The following TRPS1 variants were observed in gnomAD, a reference collection of about 807,000 sequenced individuals.
The protein encoded by TRPS1 is transcriptional repressor GATA binding 1, also known as zinc finger transcription factor Trps1.
TRPS1 carries 6 observed loss-of-function variants against 101.2 expected under a neutral mutation model. The ratio of observed to expected loss-of-function variants is 0.06; its 90% CI spans 0.03 to 0.12. TRPS1 has a LOEUF of 0.12. TRPS1 is among the 10% of genes least tolerant of loss of function. The pLI is 1.00. For missense variants in TRPS1, 1,363 were observed against 1,567.0 expected (o/e 0.87, Z 2.20); for synonymous variants, 578 against 589.8 (o/e 0.98, Z 0.29).
At chr8:115,550,522 T>C (rs113732704) in intron 5 of TRPS1, among the ~76,000 whole-genome samples, 2,927 of 152,312 alleles carry the variant, frequency 0.019, 43 homozygotes, top group Middle Eastern at 0.088. Flanking sequence ...TGCAAATTCA[T>C]ATAAAGTACA....
rs1812975861 is a variant in TRPS1 at position 115,418,471 on chromosome 8, A to T, written c.2701-19T>A. On this transcript the variant is annotated intron_variant, in intron 5 of 6. Transcript: ENST00000395715. This position sits in a 1 kb window ranked among gnomAD's most constrained non-coding sequence, Gnocchi z 4.3. The stretch of plus-strand genomic sequence containing the variant: ...TACGCCTCTGAAACAGGGGAAAAAA[A>T]CCAAGGTCAGAGGTGAGTCACATGA... The T allele has an allele frequency of 6.2e-7, 1 of 1,613,992 alleles. No homozygotes were observed. Among genetic ancestry groups the T allele is most frequent in the African/African-American group, 1.3e-5 (1 of 74,946 alleles).
Position 115,446,346 on chromosome 8 carries a change from AC to A in TRPS1, c.2701-27895del, listed in dbSNP as rs59357089. ...TTTCCTGTCAGACAAAAAAAAAAAA[AC>A]CAACCCAAAAACTGTTTCTTCCCCT... On this transcript the variant is annotated intron_variant, in intron 5 of 6. Transcript: ENST00000395715. Among the ~76,000 whole-genome samples, 1,241 of 147,014 alleles carry A rather than the reference AC, an allele frequency of 8.4e-3. 20 individuals are homozygous for A. Among genetic ancestry groups the A allele is most frequent in the African/African-American group, 0.029 (1,157 of 39,236 alleles).
intron 5 of TRPS1, among the ~76,000 whole-genome samples, chr8:115,535,236 C>CAT (rs1554583787): frequency 0.028 from 3,312 of 118,544 alleles, 137 homozygotes; most frequent in South Asian, 0.048. Flanking sequence ...ATATATATAG[C>CAT]ATATATAGCA....
At chr8:115,479,035 T>C (rs1219195039) in intron 5 of TRPS1, among the ~76,000 whole-genome samples, 2 of 151,344 alleles carry the variant, frequency 1.3e-5, no homozygotes, top group African/African-American at 2.4e-5. Flanking sequence ...GTTTTGAACA[T>C]ATACTATGCA....
At position 115,598,428 on chromosome 8, in the gene TRPS1, G is replaced by A. The variant is rs929844198; in HGVS notation, c.2096+5445C>T. On this transcript the variant is annotated intron_variant, in intron 4 of 6. Coordinates refer to ENST00000395715, the MANE Select transcript of TRPS1 (RefSeq NM_014112.5). ...GCTTAAGTGATCCTCCCATCTCAGC[G>A]CCTGAGTACCTGGGACCACAGGTAA... Among the ~76,000 whole-genome samples, 48 of 151,968 alleles carry A rather than the reference G, an allele frequency of 3.2e-4. 1 individual carries two copies. The highest frequency in any genetic ancestry group is 1.1e-3 in the African/African-American group (46 of 41,374).
chr8:115,545,576 C>G (rs974812152), intron 5 of TRPS1, among the ~76,000 whole-genome samples: 5 of 152,082 alleles, frequency 3.3e-5, no homozygotes, highest in African/African-American at 1.2e-4. Context: ...CCCTTGAAAC[C>G]ATCTGAAATT....
intron 3 of TRPS1, among the ~76,000 whole-genome samples, chr8:115,609,951 C>T (rs1047264618): frequency 1.3e-5 from 2 of 152,144 alleles, no homozygotes; most frequent in African/African-American, 4.8e-5. Context: ...TCTTTCTTTC[C>T]TCCCAATAAT....
rs191477493 is a variant in TRPS1 at position 115,513,626 on chromosome 8, A to G, written c.2700+73375T>C. 1.1e-4 allele frequency among the ~76,000 whole-genome samples: 17 copies of G among 151,790 alleles called. No homozygotes were observed. The East Asian group carries it at 3.3e-3, about 29-fold the overall frequency. On this transcript the variant is annotated intron_variant, in intron 5 of 6. Transcript: ENST00000395715. ...ATACCCATTCATTTACTTATTGTGT[A>G]TGGCTACTTTCATACTACAATGTCA...
chr8:115,493,043 G>A (rs534721242), intron 5 of TRPS1, among the ~76,000 whole-genome samples: 4 of 152,112 alleles, frequency 2.6e-5, no homozygotes, highest in African/African-American at 9.6e-5. Flanking sequence ...ATTAATAGGA[G>A]GGGTAAGATA....
intron 5 of TRPS1, among the ~76,000 whole-genome samples, chr8:115,526,115 C>G (rs1354427169): frequency 6.6e-6 from 1 of 152,090 alleles, no homozygotes; most frequent in Non-Finnish European, 1.5e-5. Flanking sequence ...TCGAGAGCAG[C>G]CTGGCCAACA....
intron 5 of TRPS1, among the ~76,000 whole-genome samples, chr8:115,449,310 A>G (rs548813150): frequency 6.6e-6 from 1 of 152,282 alleles, no homozygotes; most frequent in South Asian, 2.1e-4. Flanking sequence ...GATTTTTGCT[A>G]GATTTTATTT....
chr8:115,601,137 A>G (rs1216348663), intron 4 of TRPS1, among the ~76,000 whole-genome samples: 1 of 152,174 alleles, frequency 6.6e-6, no homozygotes, highest in Non-Finnish European at 1.5e-5. Context: ...TTCACATATT[A>G]TACAGTTCAT....
intron 5 of TRPS1, among the ~76,000 whole-genome samples, chr8:115,546,619 C>A (rs1045346611): frequency 6.6e-6 from 1 of 150,636 alleles, no homozygotes; most frequent in Non-Finnish European, 1.5e-5. Context: ...CACAGAGCCA[C>A]GGAGGTTTTA....
intron 5 of TRPS1, among the ~76,000 whole-genome samples, chr8:115,534,205 C>G (rs1301680402): frequency 2.6e-5 from 4 of 151,792 alleles, no homozygotes; most frequent in African/African-American, 9.7e-5. Flanking sequence ...GAGATTGAAG[C>G]TCTAACTGCA....
At chr8:115,576,723 T>C (rs1173855768) in intron 5 of TRPS1, among the ~76,000 whole-genome samples, 1 of 152,172 alleles carries the variant, frequency 6.6e-6, no homozygotes, top group African/African-American at 2.4e-5. Context: ...ATGTGGAGCA[T>C]ACCTACCTCC....
chr8:115,486,456 GA>G (rs1814882265), intron 5 of TRPS1, among the ~76,000 whole-genome samples: 1 of 152,088 alleles, frequency 6.6e-6, no homozygotes, highest in African/African-American at 2.4e-5. Context: ...CACTTTAAAG[GA>G]AAAAACAGAA....
Position 115,667,831 on chromosome 8 carries a change from GTC to G in TRPS1, c.-122+712_-122+713del, listed in dbSNP as rs759382564. 7.2e-6 allele frequency: 11 copies of G among 1,534,920 alleles called. No homozygotes were observed. The South Asian group carries it at 9.5e-5, about 13-fold the overall frequency. ...CACTTTGGAGACCATACGGAGGCCC[GTC>G]TCTGAGACCCTCCCGACCCTCCCGA... On this transcript the variant is annotated intron_variant, in intron 1 of 6. Transcript: ENST00000395715.
intron 1 of TRPS1, among the ~76,000 whole-genome samples, chr8:115,639,997 T>G (rs1818859096): frequency 6.6e-6 from 1 of 152,190 alleles, no homozygotes; most frequent in Non-Finnish European, 1.5e-5. Context: ...TTACATATAT[T>G]ATTGACAGTA....
intron 1 of TRPS1, among the ~76,000 whole-genome samples, chr8:115,664,578 G>A (rs947460407): frequency 6.6e-6 from 1 of 152,014 alleles, no homozygotes; most frequent in Admixed American, 6.5e-5. Flanking sequence ...TGATAAATGA[G>A]TAAACAAGAC....
Sources: allele counts gnomAD v4.1 joint callset (sites outside exome capture counted in the v4.1 genomes callset), GRCh38; gene constraint gnomAD v4.1.1; non-coding constraint Gnocchi (gnomAD v3.1); transcripts MANE v1.5; gene names NCBI Gene and HGNC (gene_info 2026-07-23, HGNC 2026-07-21).